The following SNX29 variants were observed in gnomAD, a reference collection of about 807,000 sequenced individuals.
The protein encoded by SNX29 is sorting nexin-29.
In SNX29, 78 loss-of-function variants were observed where a neutral mutation model predicts 102.1. That is an observed-to-expected ratio of 0.76 (90% CI 0.64 to 0.92). The LOEUF (loss-of-function observed/expected upper bound fraction) is 0.92, where lower values mean the gene tolerates loss of function less well. Ranked by LOEUF, SNX29 falls within the 40% of genes least tolerant of loss-of-function variation. SNX29 has a pLI of 0.00. For missense variants in SNX29, 1,280 were observed against 1,061.7 expected, an observed-to-expected ratio of 1.21 and a Z score of -2.86; for synonymous variants, 580 against 414.5, an observed-to-expected ratio of 1.40 and a Z score of -4.85.
In SNX29 at chr16:12,574,110, C is replaced by T. The variant is rs1235212360; in HGVS notation, c.*5481C>T. The T allele has an allele frequency of 1.1e-5, 2 of 186,092 alleles. No individual in the cohort carries two copies. Among genetic ancestry groups the T allele is most frequent in the Non-Finnish European group, 2.3e-5 (2 of 88,064 alleles). The allele number at this position is 186,092 out of a possible 1,614,324, so 11.5% of individuals were successfully genotyped here. On this transcript the variant is annotated 3_prime_UTR_variant, in exon 21 of 21. Coordinates refer to ENST00000566228, the MANE Select transcript of SNX29 (RefSeq NM_032167.5). ...AACCTGTAGTATTATCTTAACTACCCTCTTATGTTAAGGTTTACATAATAG... is the reference window on the plus strand; with the variant it reads ...AACCTGTAGTATTATCTTAACTACCTTCTTATGTTAAGGTTTACATAATAG...
intron 13 of SNX29, among the ~76,000 whole-genome samples, chr16:12,154,302 C>T (rs2055434321): frequency 6.6e-6 from 1 of 152,112 alleles, no homozygotes; most frequent in African/African-American, 2.4e-5. Context: ...ACTGCTCCTC[C>T]AGGCTTGAGG....
intron 15 of SNX29, among the ~76,000 whole-genome samples, chr16:12,308,184 C>G (rs1238595208): frequency 6.6e-6 from 1 of 152,232 alleles, no homozygotes; most frequent in Non-Finnish European, 1.5e-5. Flanking sequence ...TGGCACCTCG[C>G]TGGTGGTGCT....
rs563213088 is a variant in SNX29, at chr16:12,299,841, C to T, written c.1782+21805C>T. On this transcript the variant is annotated intron_variant, in intron 15 of 20. Transcript: ENST00000566228. ...TAATATTTGTATCTTTTTTCTTACA[C>T]TAGAAATCTCTTAATGGCATAAATA... Among the ~76,000 whole-genome samples the T allele has an allele frequency of 3.4e-5, 5 of 146,946 alleles. No individual in the cohort carries two copies. The South Asian group carries it at 1.1e-3, about 32-fold the overall frequency.
intron 15 of SNX29, among the ~76,000 whole-genome samples, chr16:12,351,519 A>G (rs1161189337): frequency 6.6e-6 from 1 of 152,182 alleles, no homozygotes; most frequent in Non-Finnish European, 1.5e-5. Flanking sequence ...GTGAAGCATG[A>G]TTTACTTGAA....
chr16:12,564,813 T>A (rs1363238865), intron 20 of SNX29, among the ~76,000 whole-genome samples: 1 of 151,730 alleles, frequency 6.6e-6, no homozygotes, highest in Non-Finnish European at 1.5e-5. Context: ...ATTCCAGAAG[T>A]CTCGGTGGTA....
chr16:12,248,165 A>T (rs2078314674), intron 14 of SNX29, among the ~76,000 whole-genome samples: 1 of 152,146 alleles, frequency 6.6e-6, no homozygotes, highest in African/African-American at 2.4e-5. Context: ...CCTCTGAGGG[A>T]ACCCTTTAAG....
At chr16:12,107,642 C>G (rs1198673023) in intron 11 of SNX29, among the ~76,000 whole-genome samples, 1 of 151,638 alleles carries the variant, frequency 6.6e-6, no homozygotes, top group Non-Finnish European at 1.5e-5. Context: ...CCTCAAAAAA[C>G]AAAAACAAAA....
chr16:12,051,011 G>T (rs1476270928), intron 7 of SNX29, among the ~76,000 whole-genome samples: 1 of 151,794 alleles, frequency 6.6e-6, no homozygotes. Context: ...GTGAGCCACC[G>T]CGCCCGGCCC....
intron 18 of SNX29, among the ~76,000 whole-genome samples, chr16:12,457,365 A>T (rs1180870176): frequency 2.0e-5 from 3 of 152,164 alleles, no homozygotes. Flanking sequence ...AGCAGTTCCC[A>T]CAGCCTGCAC....
chr16:12,524,029 C>G (rs752863063), intron 19 of SNX29, among the ~76,000 whole-genome samples: 2 of 152,126 alleles, frequency 1.3e-5, no homozygotes. Flanking sequence ...ATTACAGGAA[C>G]GTGCCACTAC....
chr16:12,541,053 TTAGTTTCC>T (rs2077312250), intron 20 of SNX29, among the ~76,000 whole-genome samples: 1 of 152,150 alleles, frequency 6.6e-6, no homozygotes, highest in African/African-American at 2.4e-5. Context: ...TGGCTGCTAT[TTAGTTTCC>T]TGAGTTATTG....
At chr16:12,454,163 G>C (rs549236688) in intron 18 of SNX29, among the ~76,000 whole-genome samples, 1 of 152,262 alleles carries the variant, frequency 6.6e-6, no homozygotes, top group East Asian at 1.9e-4. Context: ...TTGCCTTTCT[G>C]CTTCTTGTTG....
intron 14 of SNX29, among the ~76,000 whole-genome samples, chr16:12,234,982 G>C (rs112484264): frequency 0.04 from 6,125 of 152,090 alleles, 438 homozygotes; most frequent in African/African-American, 0.14. Context: ...GTGTGTATGT[G>C]TACTTTTCTC....
In SNX29 at chr16:12,570,545, G is replaced by T. The variant is rs566727412; in HGVS notation, c.*1916G>T. ...GGTCATTTTGAAGTAGGTGTTTGAT[G>T]CCAGCTCAGAGACTGTCTCAGGAGT... On this transcript the variant is annotated 3_prime_UTR_variant, in exon 21 of 21. Transcript: ENST00000566228. 3 of 232,202 alleles carry T rather than the reference G, an allele frequency of 1.3e-5. No homozygotes were observed. The highest frequency in any genetic ancestry group is 5.6e-5 in the Admixed American group (1 of 17,742). 14.4% of individuals were successfully genotyped at this position (232,202 alleles called of 1,614,324 possible).
At chr16:12,461,978 A>AAAATAAT (rs1555544501) in intron 18 of SNX29, among the ~76,000 whole-genome samples, 1 of 27,354 alleles carries the variant, frequency 3.7e-5, no homozygotes, top group Non-Finnish European at 6.3e-5. Context: ...AAAAAAAAAA[A>AAAATAAT]ATATATATAT....
rs1392203919 is a variant in SNX29, at chr16:12,571,836, G to A, written c.*3207G>A. The A allele has an allele frequency of 3.8e-6, 4 of 1,049,072 alleles. No homozygotes were observed. Among genetic ancestry groups the A allele is most frequent in the South Asian group, 9.2e-5 (2 of 21,672 alleles). 65.0% of individuals were successfully genotyped at this position (1,049,072 alleles called of 1,614,324 possible). ...CAGCTTCTTTGATTCCCACTTAGCA[G>A]TATGCTCCAATCACGTTGCTGGCAA... On this transcript the variant is annotated 3_prime_UTR_variant, in exon 21 of 21. Coordinates refer to ENST00000566228, the MANE Select transcript of SNX29 (RefSeq NM_032167.5).
At chr16:12,079,283 C>T (rs961530347) in intron 11 of SNX29, among the ~76,000 whole-genome samples, 5 of 152,186 alleles carry the variant, frequency 3.3e-5, no homozygotes, top group African/African-American at 4.8e-5. Context: ...TATGTCTCTC[C>T]AAGATGATTA....
At chr16:12,375,582 C>T (rs771578243) in intron 16 of SNX29, 5 of 152,338 alleles carry the variant, frequency 3.3e-5, no homozygotes, top group Non-Finnish European at 5.9e-5. Flanking sequence ...CAGTTTCTTA[C>T]GGACTCTTGG....
At chr16:12,320,738 A>G (rs912939661) in intron 15 of SNX29, among the ~76,000 whole-genome samples, 2 of 152,188 alleles carry the variant, frequency 1.3e-5, no homozygotes, top group African/African-American at 4.8e-5. Context: ...AGAGAACAAC[A>G]TCACCATGCA....
Sources: allele counts gnomAD v4.1 joint callset (sites outside exome capture counted in the v4.1 genomes callset), GRCh38; gene constraint gnomAD v4.1.1; transcripts MANE v1.5; gene names NCBI Gene and HGNC (gene_info 2026-07-23, HGNC 2026-07-21).